SLC6A6: variants seen among roughly 807,000 people sequenced by gnomAD.
SLC6A6 encodes the protein sodium- and chloride-dependent taurine transporter.
A neutral mutation model predicts 68.8 loss-of-function variants in SLC6A6; 16 were observed. The observed-to-expected ratio is 0.23, with a 90% confidence interval of 0.16 to 0.35. The LOEUF (loss-of-function observed/expected upper bound fraction) is 0.35. Among genes scored for constraint, SLC6A6 ranks in the 10% least tolerant of loss-of-function variants. SLC6A6 has a pLI of 1.00. For missense variants in SLC6A6, 474 were observed against 802.8 expected, an observed-to-expected ratio of 0.59 and a Z score of 4.95; for synonymous variants, 312 against 315.4, an observed-to-expected ratio of 0.99 and a Z score of 0.12.
At chr3:14,418,613 T>C (rs892787121) in intron 2 of SLC6A6, among the ~76,000 whole-genome samples, 3 of 152,236 alleles carry the variant, frequency 2.0e-5, no homozygotes, top group Non-Finnish European at 4.4e-5. Flanking sequence ...AGCATGCTCA[T>C]ATACTGCCGA....
At chr3:14,413,890 A>G (rs909033826) in intron 1 of SLC6A6, among the ~76,000 whole-genome samples, 3 of 152,196 alleles carry the variant, frequency 2.0e-5, no homozygotes, top group African/African-American at 7.2e-5. Flanking sequence ...CTGGATTCTT[A>G]TCTTGCAAAT....
At position 14,484,834 on chromosome 3, in the gene SLC6A6, G is replaced by A. The variant is rs200552634; in HGVS notation, c.1723-33G>A. 1.6e-4 allele frequency: 249 copies of A among 1,605,238 alleles called. 2 individuals carry two copies. Among genetic ancestry groups the A allele is most frequent in the Admixed American group, 1.4e-3 (82 of 59,862 alleles). On this transcript the variant is annotated intron_variant, in intron 14 of 14. Transcript: ENST00000622186. ...CGAAGGGGAGACCAGGCCGCCTGAC[G>A]TTTCCCCCCTCACTCCTGTCATCCT...
Position 14,444,892 on chromosome 3 carries a change from G to GC in SLC6A6, c.230-818dup, listed in dbSNP as rs779270429. The GC allele has an allele frequency of 8.4e-5, 38 of 451,470 alleles. No individual in the cohort carries two copies. The East Asian group carries it at 9.8e-4, about 12-fold the overall frequency. 28.0% of individuals were successfully genotyped at this position (451,470 alleles called of 1,614,324 possible). On this transcript the variant is annotated intron_variant, in intron 3 of 14. Coordinates refer to ENST00000622186, the MANE Select transcript of SLC6A6 (RefSeq NM_003043.6). The stretch of plus-strand genomic sequence containing the variant: ...GTAGGATCCCCTGCCCCAATGCTTT[G>GC]CCCCCCCATTCTTCCCCTTGGTCCC...
intron 2 of SLC6A6, among the ~76,000 whole-genome samples, chr3:14,439,800 G>A (rs141505991): frequency 6.6e-6 from 1 of 152,264 alleles, no homozygotes; most frequent in Non-Finnish European, 1.5e-5. Flanking sequence ...TTGCAAGTTT[G>A]CAGAGGTGCA....
intron 3 of SLC6A6, 112 bp downstream of exon 3, chr3:14,443,975 C>A (rs560052737): frequency 3.1e-5 from 23 of 731,416 alleles, no homozygotes; most frequent in East Asian, 1.3e-4. Context: ...CCTGGCCCCC[C>A]CCCTTGACCT....
At chr3:14,460,630 G>A (rs1323158076) in intron 6 of SLC6A6, among the ~76,000 whole-genome samples, 2 of 152,248 alleles carry the variant, frequency 1.3e-5, no homozygotes, top group African/African-American at 4.8e-5. Flanking sequence ...CAGAATACAG[G>A]AGAATAGTGT....
At chr3:14,480,301 C>T (rs545187317) in intron 13 of SLC6A6, among the ~76,000 whole-genome samples, 25 of 152,332 alleles carry the variant, frequency 1.6e-4, no homozygotes, top group African/African-American at 6.0e-4. Context: ...AGTTGGCCCA[C>T]CTGTGTTCTC....
rs572499953 is a variant in SLC6A6, at chr3:14,476,830, G to A, written c.1210-375G>A. On this transcript the variant is annotated intron_variant, in intron 10 of 14. Transcript: ENST00000622186. Reference sequence around the variant, plus strand: ...TGGCAACACATATATGCCCCTGAATGTGCCAGGACAGAGGGTCAGCATTGG... The same window carrying A: ...TGGCAACACATATATGCCCCTGAATATGCCAGGACAGAGGGTCAGCATTGG... 5.9e-5 allele frequency among the ~76,000 whole-genome samples: 9 copies of A among 152,368 alleles called. No individual in the cohort carries two copies. The South Asian group carries it at 1.9e-3, about 32-fold the overall frequency.
In SLC6A6 at chr3:14,475,553, CA is replaced by C. The variant is rs532215898; in HGVS notation, c.1210-1651del. ...GTGAGGCTCGGAGAAGCCAATCACACAGCTGTTAAGCGACGGAGGGCTGAAG... is the reference window on the plus strand; with the variant it reads ...GTGAGGCTCGGAGAAGCCAATCACACGCTGTTAAGCGACGGAGGGCTGAAG... On this transcript the variant is annotated intron_variant, in intron 10 of 14. Transcript: ENST00000622186. Among the ~76,000 whole-genome samples the C allele has an allele frequency of 3.4e-3, 521 of 152,336 alleles. 4 individuals carry two copies. Among genetic ancestry groups the C allele is most frequent in the Non-Finnish European group, 3.7e-3 (254 of 68,044 alleles).
chr3:14,463,569 G>A (rs1239801909), intron 6 of SLC6A6, among the ~76,000 whole-genome samples: 2 of 152,240 alleles, frequency 1.3e-5, no homozygotes, highest in Non-Finnish European at 2.9e-5. Flanking sequence ...GCCAGCCCGG[G>A]TGTGGCCCAC....
intron 2 of SLC6A6, among the ~76,000 whole-genome samples, chr3:14,425,357 G>A (rs1178675185): frequency 6.6e-6 from 1 of 152,294 alleles, no homozygotes; most frequent in East Asian, 1.9e-4. Flanking sequence ...ACAGAGTCCC[G>A]CAGGAGCTGC....
At chr3:14,426,991 G>A (rs1019864645) in intron 2 of SLC6A6, among the ~76,000 whole-genome samples, 10 of 152,162 alleles carry the variant, frequency 6.6e-5, no homozygotes, top group African/African-American at 2.2e-4. Context: ...GCGTTCTTAT[G>A]TGGTGTACTT....
In SLC6A6 at chr3:14,413,088, C is replaced by T. The variant is rs148336917; in HGVS notation, c.-53-3324C>T. On this transcript the variant is annotated intron_variant, in intron 1 of 14. Coordinates refer to ENST00000622186, the MANE Select transcript of SLC6A6 (RefSeq NM_003043.6). ...GCTAGCCAGGCTGCTGACAGCAGGG[C>T]GGCCTGGGTCACTGTGTCCGGACAA... Among the ~76,000 whole-genome samples the T allele has an allele frequency of 9.2e-5, 14 of 152,292 alleles. 1 individual carries two copies. The highest frequency in any genetic ancestry group is 3.4e-4 in the African/African-American group (14 of 41,560).
At chr3:14,471,294 T>TC (rs936845960) in intron 9 of SLC6A6, among the ~76,000 whole-genome samples, 1 of 152,160 alleles carries the variant, frequency 6.6e-6, no homozygotes, top group Non-Finnish European at 1.5e-5. Context: ...CCGGAATGTC[T>TC]CCCATCAGAG....
At chr3:14,422,028 C>A (rs889671747) in intron 2 of SLC6A6, among the ~76,000 whole-genome samples, 23 of 152,144 alleles carry the variant, frequency 1.5e-4, no homozygotes, top group African/African-American at 5.6e-4. Flanking sequence ...TGGACAGGGA[C>A]TTTCGGGACC....
intron 1 of SLC6A6, among the ~76,000 whole-genome samples, chr3:14,413,508 C>T (rs1305793854): frequency 1.3e-5 from 2 of 152,240 alleles, no homozygotes; most frequent in Non-Finnish European, 2.9e-5. Flanking sequence ...CCTCAAAATG[C>T]TGTCCCTGGC....
At chr3:14,483,911 TGACCTTGAGC>T (rs1701073710) in intron 14 of SLC6A6, among the ~76,000 whole-genome samples, 1 of 152,300 alleles carries the variant, frequency 6.6e-6, no homozygotes, top group East Asian at 1.9e-4. Flanking sequence ...CTTTAAATCC[TGACCTTGAGC>T]GATCCTCCTG....
At chr3:14,458,103 TC>T in intron 6 of SLC6A6, 21 bp downstream of exon 6, 2 of 1,609,980 alleles carry the variant, frequency 1.2e-6, no homozygotes, top group Non-Finnish European at 1.7e-6. Flanking sequence ...CTTCTGTCCG[TC>T]CCCTGCCTCC....
intron 1 of SLC6A6, among the ~76,000 whole-genome samples, chr3:14,415,225 C>T (rs569839895): frequency 1.3e-5 from 2 of 152,314 alleles, no homozygotes; most frequent in African/African-American, 2.4e-5. Flanking sequence ...AAGTTGTTGA[C>T]TGACTGTTCC....
Sources: allele counts gnomAD v4.1 joint callset (sites outside exome capture counted in the v4.1 genomes callset), GRCh38; gene constraint gnomAD v4.1.1; transcripts MANE v1.5; gene names NCBI Gene and HGNC (gene_info 2026-07-23, HGNC 2026-07-21).